Variants in SLC4A4 observed in about 807,000 individuals in gnomAD.
SLC4A4 encodes the protein electrogenic sodium bicarbonate cotransporter 1.
SLC4A4 carries 27 observed loss-of-function variants against 111.5 expected under a neutral mutation model. That is an observed-to-expected ratio of 0.24 (90% CI 0.18 to 0.33). The LOEUF (loss-of-function observed/expected upper bound fraction) is 0.33, where lower values mean the gene tolerates loss of function less well. Ranked by LOEUF, SLC4A4 falls within the 10% of genes least tolerant of loss-of-function variation. SLC4A4 has a pLI of 1.00. For missense variants in SLC4A4, 909 were observed against 1,315.5 expected, an observed-to-expected ratio of 0.69 and a Z score of 4.78; for synonymous variants, 443 against 463.4, an observed-to-expected ratio of 0.96 and a Z score of 0.57.
intron 15 of SLC4A4, among the ~76,000 whole-genome samples, chr4:71,493,639 C>T (rs1052848956): frequency 1.3e-5 from 2 of 151,796 alleles, no homozygotes; most frequent in Non-Finnish European, 2.9e-5. Context: ...GGACGTCTCT[C>T]TCTCTGTCTT....
At chr4:71,384,010 C>T (rs1718419234) in intron 6 of SLC4A4, among the ~76,000 whole-genome samples, 1 of 152,130 alleles carries the variant, frequency 6.6e-6, no homozygotes, top group African/African-American at 2.4e-5. Flanking sequence ...AACTAGATAA[C>T]TTGATGTAAT....
chr4:71,461,820 G>A lies in SLC4A4; in HGVS notation c.1498-4624G>A, dbSNP rs151047333. Among the ~76,000 whole-genome samples, 17 of 152,220 alleles carry A rather than the reference G, an allele frequency of 1.1e-4. No homozygotes were observed. The East Asian group carries it at 3.3e-3, about 29-fold the overall frequency. On this transcript the variant is annotated intron_variant, in intron 12 of 25. Coordinates refer to ENST00000264485, the MANE Select transcript of SLC4A4 (RefSeq NM_001098484.3). The stretch of plus-strand genomic sequence containing the variant: ...TACAAGCTGAAAAATATTCACAAAT[G>A]TTTTTGGATATCGATTTTGACTTCA...
intron 16 of SLC4A4, among the ~76,000 whole-genome samples, chr4:71,508,990 T>C (rs930232593): frequency 6.6e-6 from 1 of 152,044 alleles, no homozygotes; most frequent in African/African-American, 2.4e-5. Flanking sequence ...CAACCAGAAC[T>C]AAGGAAAAAA....
chr4:71,083,639 C>T (rs1398104802), intron 1 of SLC4A4, among the ~76,000 whole-genome samples: 1 of 151,892 alleles, frequency 6.6e-6, no homozygotes, highest in Non-Finnish European at 1.5e-5. Flanking sequence ...TGAAGATGCT[C>T]TAAGGGTTGA....
At chr4:71,377,710 C>T (rs1172797624) in intron 6 of SLC4A4, among the ~76,000 whole-genome samples, 1 of 152,130 alleles carries the variant, frequency 6.6e-6, no homozygotes, top group Non-Finnish European at 1.5e-5. Flanking sequence ...TCTGTGTTTC[C>T]ACAGTCACCG....
At chr4:71,563,587 CAA>C (rs374997168) in intron 23 of SLC4A4, among the ~76,000 whole-genome samples, 53 of 151,800 alleles carry the variant, frequency 3.5e-4, no homozygotes, top group African/African-American at 1.2e-3. Flanking sequence ...TTAATTGACT[CAA>C]TACCATTAAC....
chr4:71,160,895 C>A (rs767766318), intron 2 of SLC4A4, among the ~76,000 whole-genome samples: 1 of 151,996 alleles, frequency 6.6e-6, no homozygotes, highest in African/African-American at 2.4e-5. Flanking sequence ...AATGAGGCTT[C>A]GATAAGTTCT....
chr4:71,295,375 G>A (rs781700371), intron 3 of SLC4A4, among the ~76,000 whole-genome samples: 92 of 152,042 alleles, frequency 6.1e-4, no homozygotes, highest in Non-Finnish European at 1.3e-4. Context: ...CCCCTGGACT[G>A]GTACTTTCAT....
chr4:71,483,378 T>C (rs1170168150), intron 14 of SLC4A4, among the ~76,000 whole-genome samples: 2 of 151,954 alleles, frequency 1.3e-5, no homozygotes, highest in Non-Finnish European at 2.9e-5. Context: ...TATGTGTCCA[T>C]GTGTTCTCAT....
intron 1 of SLC4A4, among the ~76,000 whole-genome samples, chr4:71,076,715 G>A (rs1741840213): frequency 6.6e-6 from 1 of 152,120 alleles, no homozygotes. Context: ...ATAAGGCCAG[G>A]CACAGTGGCT....
rs192818014 is a variant in SLC4A4 at position 71,548,538 on chromosome 4, G to A, written c.2694+818G>A. 1.1e-3 allele frequency among the ~76,000 whole-genome samples: 172 copies of A among 151,718 alleles called. 1 individual carries two copies. Among genetic ancestry groups the A allele is most frequent in the Middle Eastern group, 6.8e-3 (2 of 294 alleles). ...TTTTCAATCATATAAACATGCTTGC[G>A]AATTATTGATAGTTTGTATCTTATG... is the stretch of plus-strand genomic sequence containing the variant. On this transcript the variant is annotated intron_variant, in intron 20 of 25. Coordinates refer to ENST00000264485, the MANE Select transcript of SLC4A4 (RefSeq NM_001098484.3).
At chr4:71,556,765 G>A (rs1225176394) in intron 21 of SLC4A4, among the ~76,000 whole-genome samples, 1 of 151,784 alleles carries the variant, frequency 6.6e-6, no homozygotes, top group Non-Finnish European at 1.5e-5. Flanking sequence ...AGTTCTAGAG[G>A]GAAAAAGAAA....
At chr4:71,503,361 C>G (rs1731118546) in intron 16 of SLC4A4, among the ~76,000 whole-genome samples, 1 of 151,272 alleles carries the variant, frequency 6.6e-6, no homozygotes, top group Non-Finnish European at 1.5e-5. Flanking sequence ...GTTAATTGTA[C>G]TTTAATTATT....
intron 9 of SLC4A4, among the ~76,000 whole-genome samples, chr4:71,449,886 G>A (rs7694492): frequency 0.96 from 145,823 of 152,292 alleles, 70,135 homozygotes; most frequent in Middle Eastern, 1. Context: ...ATGTGCTGCC[G>A]ATATAACCCA....
chr4:71,167,610 T>G (rs1744814366), intron 2 of SLC4A4, among the ~76,000 whole-genome samples: 1 of 152,100 alleles, frequency 6.6e-6, no homozygotes, highest in South Asian at 2.1e-4. Flanking sequence ...AAAAGTGAAA[T>G]GTTAACATTT....
At chr4:71,084,993 A>G (rs971082961) in intron 1 of SLC4A4, among the ~76,000 whole-genome samples, 1 of 152,060 alleles carries the variant, frequency 6.6e-6, no homozygotes, top group Admixed American at 6.5e-5. Flanking sequence ...AACTTCCACA[A>G]TGGTTGAACT....
intron 6 of SLC4A4, among the ~76,000 whole-genome samples, chr4:71,381,748 G>A (rs13111235): frequency 1.3e-5 from 2 of 151,998 alleles, no homozygotes; most frequent in African/African-American, 2.4e-5. Flanking sequence ...GACACGTCTC[G>A]CTGTGTCACC....
At chr4:71,068,937 G>T (rs1315770496) in intron 1 of SLC4A4, among the ~76,000 whole-genome samples, 3 of 152,120 alleles carry the variant, frequency 2.0e-5, no homozygotes, top group Non-Finnish European at 4.4e-5. Context: ...AAAGTTTGAG[G>T]ATTAGGAATA....
chr4:71,459,153 T>C (rs1349639100), intron 12 of SLC4A4, among the ~76,000 whole-genome samples: 1 of 152,016 alleles, frequency 6.6e-6, no homozygotes, highest in Non-Finnish European at 1.5e-5. Context: ...GTGTATTTGG[T>C]GGGTTTTTTT....
Sources: gnomAD v4.1 joint callset for allele counts (sites outside exome capture counted in the v4.1 genomes callset) on GRCh38, gnomAD v4.1.1 for gene constraint, MANE v1.5 for transcripts, NCBI Gene and HGNC (gene_info 2026-07-23, HGNC 2026-07-21) for gene names.